Variants in COL21A1 observed in about 807,000 individuals in gnomAD.
COL21A1 encodes the protein collagen type XXI alpha 1 chain.
A neutral mutation model predicts 137.9 loss-of-function variants in COL21A1; 149 were observed. The observed-to-expected ratio is 1.08, with a 90% confidence interval of 0.95 to 1.24. The LOEUF (loss-of-function observed/expected upper bound fraction) is 1.24. Ranked by LOEUF, COL21A1 falls within the 50% of genes most tolerant of loss-of-function variation. The pLI, the probability that COL21A1 is intolerant of heterozygous loss-of-function variation, is 0.00. For synonymous variants in COL21A1, 456 were observed against 391.5 expected (o/e 1.16, Z -1.95); for missense variants, 1,167 against 1,158.4 (o/e 1.01, Z -0.11).
At chr6:56,083,393 A>G (rs150062556) in intron 17 of COL21A1, among the ~76,000 whole-genome samples, 1 of 152,018 alleles carries the variant, frequency 6.6e-6, no homozygotes, top group Non-Finnish European at 1.5e-5. Flanking sequence ...TTCTTCAGTC[A>G]CATCTTTTTG....
At chr6:56,072,214 C>T (rs1766818119) in intron 20 of COL21A1, among the ~76,000 whole-genome samples, 1 of 151,580 alleles carries the variant, frequency 6.6e-6, no homozygotes, top group East Asian at 1.9e-4. Flanking sequence ...CACTGATGGG[C>T]ATTTGAGTTC....
At chr6:56,264,049 C>T (rs547875787) in intron 1 of COL21A1, among the ~76,000 whole-genome samples, 3 of 152,108 alleles carry the variant, frequency 2.0e-5, no homozygotes, top group South Asian at 2.1e-4. Context: ...AGGACAATTC[C>T]TCTGTTTATA....
rs768206967 is a variant in COL21A1 at position 56,182,658 on chromosome 6, T to C, written c.-38-2A>G. 1 of 1,363,876 alleles carries C rather than the reference T, an allele frequency of 7.3e-7. No homozygotes were observed. Among genetic ancestry groups the C allele is most frequent in the Non-Finnish European group, 1.0e-6 (1 of 977,598 alleles). 84.5% of individuals were successfully genotyped at this position (1,363,876 alleles called of 1,614,324 possible). ...TCTAATATTTTGGTTTTAGGATTCC[T>C]AGGGGGAAAAAAAAGGCAAGTTAAA... is the stretch of plus-strand genomic sequence containing the variant. On this transcript the variant is annotated splice_acceptor_variant, in intron 1 of 29. Coordinates refer to ENST00000244728, the MANE Select transcript of COL21A1 (RefSeq NM_030820.4). LOFTEE classifies it low-confidence loss of function (5UTR_SPLICE).
At chr6:56,340,296 G>C (rs921838523) in intron 1 of COL21A1, among the ~76,000 whole-genome samples, 1 of 152,122 alleles carries the variant, frequency 6.6e-6, no homozygotes, top group African/African-American at 2.4e-5. Flanking sequence ...CAGAGATCAT[G>C]GGACTGAAAT....
chr6:56,212,223 T>C (rs906779592), intron 1 of COL21A1, among the ~76,000 whole-genome samples: 2 of 152,032 alleles, frequency 1.3e-5, no homozygotes, highest in African/African-American at 2.4e-5. Flanking sequence ...TCTAATTAGG[T>C]TCATTTTTAA....
intron 1 of COL21A1, among the ~76,000 whole-genome samples, chr6:56,264,098 A>G (rs949505519): frequency 1.2e-4 from 18 of 152,214 alleles, no homozygotes; most frequent in African/African-American, 4.3e-4. Context: ...AGACATATTT[A>G]TCGTATGTCT....
chr6:56,224,679 C>T (rs1488656000), intron 1 of COL21A1, among the ~76,000 whole-genome samples: 1 of 151,960 alleles, frequency 6.6e-6, no homozygotes, highest in Non-Finnish European at 1.5e-5. Context: ...AAAACATCGA[C>T]ATTATGGGCC....
intron 16 of COL21A1, among the ~76,000 whole-genome samples, chr6:56,123,821 T>C (rs41464152): frequency 0.15 from 22,845 of 152,058 alleles, 1,749 homozygotes; most frequent in Middle Eastern, 0.22. Context: ...ATCTGAAGGG[T>C]TTATTGAAGA....
chr6:56,102,768 T>G (rs1227860730), intron 16 of COL21A1, among the ~76,000 whole-genome samples: 1 of 152,200 alleles, frequency 6.6e-6, no homozygotes, highest in Non-Finnish European at 1.5e-5. Flanking sequence ...TCCTGCATTT[T>G]ATTAGAACTG....
chr6:56,390,591 G>A (rs1487354200), intron 1 of COL21A1, among the ~76,000 whole-genome samples: 1 of 150,206 alleles, frequency 6.7e-6, no homozygotes, highest in Non-Finnish European at 1.5e-5. Context: ...CAAACAGCCT[G>A]ATAATAAAGG....
At chr6:56,324,601 C>A (rs1293767344) in intron 1 of COL21A1, among the ~76,000 whole-genome samples, 2 of 151,992 alleles carry the variant, frequency 1.3e-5, no homozygotes, top group African/African-American at 2.4e-5. Flanking sequence ...GTAGTACCCA[C>A]CCTGCACACA....
chr6:56,133,803 G>T (rs1773761278), intron 12 of COL21A1, among the ~76,000 whole-genome samples: 1 of 152,242 alleles, frequency 6.6e-6, no homozygotes, highest in African/African-American at 2.4e-5. Flanking sequence ...TTCAGAGGGT[G>T]CAGGCCCCAA....
At chr6:56,065,703 G>A (rs922496939) in intron 23 of COL21A1, among the ~76,000 whole-genome samples, 1 of 151,904 alleles carries the variant, frequency 6.6e-6, no homozygotes, top group Non-Finnish European at 1.5e-5. Flanking sequence ...TATAGCAGCA[G>A]AGCAGGATTG....
In COL21A1 at chr6:56,060,099, C is replaced by T; in HGVS notation, c.2527G>A (p.Gly843Arg). The change falls in exon 28 of 30, where the codon GGA (glycine) becomes AGA (arginine). Residue 843 changes from glycine (G) to arginine (R), a missense_variant. Coordinates refer to ENST00000244728, the MANE Select transcript of COL21A1 (RefSeq NM_030820.4). ...PGPIGPEGPR[G>R]LPGLPGRDGV... ...TCTCTTCCTGGCAAACCAGGTAATC[C>T]TCTGGGACCCTCTGGGCCTATCGGA... is the stretch of plus-strand genomic sequence containing the variant. The T allele has an allele frequency of 6.2e-7, 1 of 1,610,282 alleles. No homozygotes were observed. The highest frequency in any genetic ancestry group is 8.5e-7 in the Non-Finnish European group (1 of 1,178,868).
At chr6:56,096,930 ATTTTT>A (rs997472078) in intron 17 of COL21A1, among the ~76,000 whole-genome samples, 1 of 151,862 alleles carries the variant, frequency 6.6e-6, no homozygotes, top group Non-Finnish European at 1.5e-5. Context: ...AACTTTATGG[ATTTTT>A]TTTCTATTTT....
rs555303501 is a variant in COL21A1, at chr6:56,236,842, A to G, written c.-39+10545T>C. Among the ~76,000 whole-genome samples the G allele has an allele frequency of 2.6e-5, 4 of 152,146 alleles. No homozygotes were observed. The South Asian group carries it at 8.3e-4, about 32-fold the overall frequency. ...CTCCTCTTGTTCTCATATGGCATAT[A>G]TTCAATGTTTTTACAGCTGACAATA... On this transcript the variant is annotated intron_variant, in intron 1 of 29. Coordinates refer to ENST00000244728, the MANE Select transcript of COL21A1 (RefSeq NM_030820.4).
chr6:56,315,299 G>A (rs954203204), intron 1 of COL21A1, among the ~76,000 whole-genome samples: 1 of 152,148 alleles, frequency 6.6e-6, no homozygotes, highest in Non-Finnish European at 1.5e-5. Context: ...ATCCCACGGG[G>A]CAGATGAACA....
intron 1 of COL21A1, among the ~76,000 whole-genome samples, chr6:56,216,093 G>A (rs773741198): frequency 2.6e-5 from 4 of 151,984 alleles, no homozygotes; most frequent in Non-Finnish European, 5.9e-5. Context: ...TTTCACAATG[G>A]TGATAGATTT....
intron 1 of COL21A1, among the ~76,000 whole-genome samples, chr6:56,316,477 CTTT>C (rs60388494): frequency 2.1e-4 from 16 of 75,790 alleles, no homozygotes; most frequent in African/African-American, 6.5e-4. Context: ...TCTAAATAGA[CTTT>C]TTTTTTTTTT....
Sources: gnomAD v4.1 joint callset for allele counts (sites outside exome capture counted in the v4.1 genomes callset) on GRCh38, gnomAD v4.1.1 for gene constraint, MANE v1.5 for transcripts, NCBI Gene and HGNC (gene_info 2026-07-23, HGNC 2026-07-21) for gene names.